LINGO1: variants seen among roughly 807,000 people sequenced by gnomAD.
The protein encoded by LINGO1 is leucine-rich repeat and immunoglobulin-like domain-containing nogo receptor-interacting protein 1.
Under a neutral mutation model 37.3 loss-of-function variants are expected in LINGO1, and 11 were observed. The ratio of observed to expected loss-of-function variants is 0.29; its 90% CI spans 0.19 to 0.49. LINGO1 has a LOEUF of 0.49. Ranked by LOEUF, LINGO1 falls within the 20% of genes least tolerant of loss-of-function variation. The probability of loss-of-function intolerance (pLI) is 0.99; values close to 1 mark genes in which losing one functional copy is unlikely to be tolerated. For synonymous variants in LINGO1, 387 were observed against 403.0 expected (o/e 0.96, Z 0.48); for missense variants, 585 against 878.2 (o/e 0.67, Z 4.22).
chr15:77,661,518 G>A (rs565640250), intron 3 of LINGO1, among the ~76,000 whole-genome samples: 1 of 152,234 alleles, frequency 6.6e-6, no homozygotes, highest in Non-Finnish European at 1.5e-5. Context: ...GGGAATGACA[G>A]TGCCTTGCCA....
chr15:77,765,643 G>A (rs1250433960), intron 1 of LINGO1, among the ~76,000 whole-genome samples: 3 of 152,066 alleles, frequency 2.0e-5, no homozygotes, highest in Non-Finnish European at 4.4e-5. Context: ...ATCAAACTGA[G>A]GGTCTCTGGC....
chr15:77,674,974 G>A (rs1421290866), intron 3 of LINGO1, among the ~76,000 whole-genome samples: 1 of 152,070 alleles, frequency 6.6e-6, no homozygotes, highest in African/African-American at 2.4e-5. Context: ...TACAGCAGCA[G>A]AGGACTTGAC....
intron 2 of LINGO1, among the ~76,000 whole-genome samples, chr15:77,685,443 G>A (rs2075491121): frequency 6.6e-6 from 1 of 152,194 alleles, no homozygotes; most frequent in Admixed American, 6.5e-5. Context: ...CAGTGGACAT[G>A]TCTGGGGTAT....
At position 77,741,969 on chromosome 15, in the gene LINGO1, A is replaced by AG. The variant is rs952555083; in HGVS notation, c.-256-6917dup. Among the ~76,000 whole-genome samples the AG allele has an allele frequency of 1.6e-4, 25 of 152,302 alleles. 1 individual carries two copies. Among genetic ancestry groups the AG allele is most frequent in the African/African-American group, 5.3e-4 (22 of 41,578 alleles). ...AGAGATGGGCAAGGGAGAAAGGCAG[A>AG]GGGGGGGTTGGGCCATCCACAATGG... On this transcript the variant is annotated intron_variant, in intron 1 of 3. Transcript: ENST00000561686.
chr15:77,688,469 G>C (rs758683674), intron 2 of LINGO1, among the ~76,000 whole-genome samples: 1 of 152,140 alleles, frequency 6.6e-6, no homozygotes, highest in South Asian at 2.1e-4. Context: ...GGAAGAGGGC[G>C]GGCAGCAGAA....
At chr15:77,768,983 C>G (rs939728779) in intron 1 of LINGO1, among the ~76,000 whole-genome samples, 1 of 152,208 alleles carries the variant, frequency 6.6e-6, no homozygotes, top group Non-Finnish European at 1.5e-5. Flanking sequence ...TCCATAGAAC[C>G]CTGCTGTCAT....
chr15:77,817,184 G>A (rs1458625238), intron 1 of LINGO1, among the ~76,000 whole-genome samples: 1 of 152,196 alleles, frequency 6.6e-6, no homozygotes, highest in African/African-American at 2.4e-5. Context: ...AGGCCCTGGG[G>A]ATGACTCCAG....
At chr15:77,722,911 C>G in intron 2 of LINGO1, among the ~76,000 whole-genome samples, 1 of 152,186 alleles carries the variant, frequency 6.6e-6, no homozygotes, top group Admixed American at 6.5e-5. Context: ...AGCAGCAGGG[C>G]TGTGGAAAGC....
At chr15:77,660,486 C>A (rs1039670772) in intron 3 of LINGO1, among the ~76,000 whole-genome samples, 3 of 152,168 alleles carry the variant, frequency 2.0e-5, no homozygotes, top group African/African-American at 7.2e-5. Flanking sequence ...TCTCCCGAGG[C>A]GACCTCAGCA....
intron 3 of LINGO1, among the ~76,000 whole-genome samples, chr15:77,664,342 G>C (rs958912918): frequency 6.6e-6 from 1 of 152,120 alleles, no homozygotes; most frequent in Non-Finnish European, 1.5e-5. Flanking sequence ...CTGGATGCTG[G>C]GGCCTGGCCT....
chr15:77,629,196 A>G (rs550326893), intron 1 of LINGO1, among the ~76,000 whole-genome samples: 16 of 152,316 alleles, frequency 1.1e-4, no homozygotes, highest in Admixed American at 7.8e-4. Context: ...CAACTTCACT[A>G]TGAAATAACA....
At chr15:77,796,458 A>G (rs2076874053) in intron 1 of LINGO1, among the ~76,000 whole-genome samples, 1 of 152,166 alleles carries the variant, frequency 6.6e-6, no homozygotes, top group African/African-American at 2.4e-5. Context: ...TCTTATCCAT[A>G]AAAGAAAAAT....
At chr15:77,672,834 A>C (rs1246997882) in intron 3 of LINGO1, among the ~76,000 whole-genome samples, 1 of 152,118 alleles carries the variant, frequency 6.6e-6, no homozygotes, top group Admixed American at 6.5e-5. Flanking sequence ...ACTGAAGGTA[A>C]CTGTGTCAGC....
chr15:77,743,603 T>C (rs1208889178), intron 1 of LINGO1, among the ~76,000 whole-genome samples: 1 of 152,144 alleles, frequency 6.6e-6, no homozygotes, highest in Non-Finnish European at 1.5e-5. Flanking sequence ...CTCTCTTCTT[T>C]AAGAACCTTT....
intron 1 of LINGO1, among the ~76,000 whole-genome samples, chr15:77,631,407 C>T (rs555125405): frequency 6.6e-6 from 1 of 152,156 alleles, no homozygotes; most frequent in South Asian, 2.1e-4. Flanking sequence ...AGAGGAGGTG[C>T]AGGCACAGTC....
chr15:77,808,682 T>C (rs1160756792), intron 1 of LINGO1, among the ~76,000 whole-genome samples: 2 of 152,142 alleles, frequency 1.3e-5, no homozygotes, highest in Non-Finnish European at 2.9e-5. Context: ...CTCCATTCAT[T>C]AGCTGCGTGA....
At chr15:77,652,774 G>T (rs546398579) in intron 3 of LINGO1, among the ~76,000 whole-genome samples, 54 of 152,304 alleles carry the variant, frequency 3.5e-4, no homozygotes, top group Non-Finnish European at 6.0e-4. Context: ...TGCGGGAGGA[G>T]GGAAGGAAAC....
intron 1 of LINGO1, among the ~76,000 whole-genome samples, chr15:77,814,672 T>G (rs2077034070): frequency 6.6e-6 from 1 of 152,196 alleles, no homozygotes; most frequent in Non-Finnish European, 1.5e-5. Flanking sequence ...CTCAGTAAAG[T>G]GACTTGTCCA....
intron 2 of LINGO1, among the ~76,000 whole-genome samples, chr15:77,716,102 C>T (rs554172744): frequency 6.6e-6 from 1 of 152,160 alleles, no homozygotes; most frequent in African/African-American, 2.4e-5. Flanking sequence ...CTTCTTATCT[C>T]TATTTTATAG....
Sources: gnomAD v4.1 joint callset for allele counts (sites outside exome capture counted in the v4.1 genomes callset) on GRCh38, gnomAD v4.1.1 for gene constraint, MANE v1.5 for transcripts, NCBI Gene and HGNC (gene_info 2026-07-23, HGNC 2026-07-21) for gene names.